RANBP2: variants seen among roughly 807,000 people sequenced by gnomAD.
The protein encoded by RANBP2 is RAN binding protein 2.
RANBP2 carries 57 observed loss-of-function variants against 303.6 expected under a neutral mutation model. That is an observed-to-expected ratio of 0.19 (90% CI 0.15 to 0.23). The LOEUF is 0.23. Ranked by LOEUF, RANBP2 falls within the 10% of genes least tolerant of loss-of-function variation. RANBP2 has a pLI of 1.00. For missense variants in RANBP2, 3,138 were observed against 3,780.8 expected, an observed-to-expected ratio of 0.83 and a Z score of 4.46; for synonymous variants, 1,167 against 1,301.5, an observed-to-expected ratio of 0.90 and a Z score of 2.23.
the RANBP2 span, among the ~76,000 whole-genome samples, chr2:108,974,884 T>A: frequency 6.6e-6 from 1 of 152,176 alleles, no homozygotes; most frequent in Non-Finnish European, 1.5e-5. Context: ...CCCACAACAC[T>A]TGCAGTCTGC....
the RANBP2 span, among the ~76,000 whole-genome samples, chr2:109,089,356 A>G: frequency 6.6e-6 from 1 of 152,104 alleles, no homozygotes; most frequent in Non-Finnish European, 1.5e-5. Flanking sequence ...TAATCCCAGC[A>G]CTTTGGGAGG....
the RANBP2 span, among the ~76,000 whole-genome samples, chr2:109,012,867 C>T: frequency 2.0e-5 from 3 of 152,096 alleles, no homozygotes; most frequent in Admixed American, 1.3e-4. Context: ...TGAGCAGAGA[C>T]CAGGCCACTG....
the RANBP2 span, among the ~76,000 whole-genome samples, chr2:109,565,243 C>T: frequency 7.2e-5 from 11 of 151,864 alleles, no homozygotes; most frequent in African/African-American, 2.4e-4. Flanking sequence ...GAAATCCATA[C>T]TAGTAAGGGT....
the RANBP2 span, among the ~76,000 whole-genome samples, chr2:109,712,365 T>C: frequency 6.6e-5 from 10 of 152,222 alleles, no homozygotes; most frequent in African/African-American, 2.2e-4. Flanking sequence ...CTCAGGGCTA[T>C]GTAGAACTTT....
At chr2:109,416,368 G>A in the RANBP2 span, among the ~76,000 whole-genome samples, 5 of 152,016 alleles carry the variant, frequency 3.3e-5, no homozygotes, top group African/African-American at 1.2e-4. Context: ...GCTGAGGAGG[G>A]CAGATCACCT....
the RANBP2 span, among the ~76,000 whole-genome samples, chr2:108,976,561 C>T: frequency 2.6e-5 from 4 of 152,228 alleles, no homozygotes; most frequent in Non-Finnish European, 5.9e-5. Flanking sequence ...CTCAAGGGCA[C>T]AGCATCTACA....
At chr2:109,260,460 C>T in the RANBP2 span, among the ~76,000 whole-genome samples, 3 of 152,222 alleles carry the variant, frequency 2.0e-5, no homozygotes, top group Non-Finnish European at 4.4e-5. Context: ...AAGCATCTGC[C>T]TCCCAGTGGC....
At chr2:108,827,867 G>A in the RANBP2 span, among the ~76,000 whole-genome samples, 1 of 150,790 alleles carries the variant, frequency 6.6e-6, no homozygotes, top group South Asian at 2.1e-4. Context: ...ACATACTTTT[G>A]GATCACTGTT....
At chr2:109,723,247 G>C in the RANBP2 span, among the ~76,000 whole-genome samples, 11 of 152,148 alleles carry the variant, frequency 7.2e-5, no homozygotes, top group Non-Finnish European at 1.3e-4. Flanking sequence ...TGCCTCCTGG[G>C]TTCAAGCTGT....
the RANBP2 span, chr2:109,605,600 C>A: frequency 6.6e-6 from 1 of 151,984 alleles, no homozygotes; most frequent in African/African-American, 2.4e-5. Context: ...AATCAGAATA[C>A]CTGAGGATAA....
At chr2:109,251,371 G>C in the RANBP2 span, 1 of 638,890 alleles carries the variant, frequency 1.6e-6, no homozygotes, top group Non-Finnish European at 2.9e-6. Flanking sequence ...GAGCATGAGG[G>C]AGTCTGTGCA....
the RANBP2 span, among the ~76,000 whole-genome samples, chr2:109,134,350 G>A: frequency 6.6e-6 from 1 of 152,178 alleles, no homozygotes; most frequent in Admixed American, 6.5e-5. Flanking sequence ...GCACTTGGGG[G>A]CCTCACCAAA....
At chr2:109,601,536 A>G in the RANBP2 span, among the ~76,000 whole-genome samples, 2 of 152,148 alleles carry the variant, frequency 1.3e-5, no homozygotes, top group Admixed American at 1.3e-4. Flanking sequence ...TATTTCCATA[A>G]ATCACCAATT....
At chr2:109,099,120 G>T in the RANBP2 span, among the ~76,000 whole-genome samples, 2 of 152,192 alleles carry the variant, frequency 1.3e-5, no homozygotes, top group South Asian at 4.1e-4. Context: ...CCAACGGGTT[G>T]GCTAAGTGTA....
At chr2:108,753,402 C>G in intron 13 of RANBP2, 24 bp from the exon 14 acceptor site, 1 of 1,611,338 alleles carries the variant, frequency 6.2e-7, no homozygotes, top group Non-Finnish European at 8.5e-7. Flanking sequence ...AACAATTTGA[C>G]TAAAAACTAT....
chr2:109,007,352 A>T, the RANBP2 span, among the ~76,000 whole-genome samples: 2 of 152,218 alleles, frequency 1.3e-5, no homozygotes, highest in Non-Finnish European at 2.9e-5. Flanking sequence ...GTAGTGTGCT[A>T]AAGTTGCTGG....
At chr2:108,967,044 T>G in the RANBP2 span, among the ~76,000 whole-genome samples, 1 of 152,152 alleles carries the variant, frequency 6.6e-6, no homozygotes, top group Non-Finnish European at 1.5e-5. Context: ...AAGCAATTCT[T>G]CTGCCTCAGC....
the RANBP2 span, among the ~76,000 whole-genome samples, chr2:109,013,519 G>A: frequency 5.1e-4 from 77 of 152,042 alleles, no homozygotes; most frequent in African/African-American, 1.8e-3. Flanking sequence ...CTCCGGTGAC[G>A]TTGCAATAAA....
At chr2:109,370,249 T>TC in the RANBP2 span, among the ~76,000 whole-genome samples, 1 of 150,474 alleles carries the variant, frequency 6.6e-6, no homozygotes, top group Non-Finnish European at 1.5e-5. Flanking sequence ...CTTTTTCTTT[T>TC]TTTTTTTTAA....
Sources: gnomAD v4.1 joint callset for allele counts (sites outside exome capture counted in the v4.1 genomes callset) on GRCh38, gnomAD v4.1.1 for gene constraint, MANE v1.5 for transcripts, NCBI Gene and HGNC (gene_info 2026-07-23, HGNC 2026-07-21) for gene names.